Variants in SIPA1L1 observed in about 807,000 individuals in gnomAD.
SIPA1L1 encodes the protein signal-induced proliferation-associated 1-like protein 1.
Under a neutral mutation model 162.7 loss-of-function variants are expected in SIPA1L1, and 26 were observed. The ratio of observed to expected loss-of-function variants is 0.16; its 90% CI spans 0.12 to 0.22. The LOEUF (loss-of-function observed/expected upper bound fraction) is 0.22. SIPA1L1 is among the 10% of genes least tolerant of loss of function. The pLI is 1.00. For synonymous variants in SIPA1L1, 829 were observed against 837.4 expected, an observed-to-expected ratio of 0.99 and a Z score of 0.17; for missense variants, 1,874 against 2,241.0, an observed-to-expected ratio of 0.84 and a Z score of 3.31.
At chr14:71,592,022 C>T (rs2035466185) in intron 5 of SIPA1L1, among the ~76,000 whole-genome samples, 1 of 152,174 alleles carries the variant, frequency 6.6e-6, no homozygotes. Context: ...ATAAACAGCT[C>T]ACTCTTTGTC....
intron 2 of SIPA1L1, among the ~76,000 whole-genome samples, chr14:71,408,189 T>C (rs962286195): frequency 2.0e-5 from 3 of 152,230 alleles, no homozygotes; most frequent in Non-Finnish European, 2.9e-5. Context: ...TCCATCTTTT[T>C]AGTTTTTAGA....
intron 12 of SIPA1L1, 45 bp downstream of exon 12, chr14:71,672,667 G>A: frequency 1.3e-6 from 2 of 1,592,178 alleles, no homozygotes; most frequent in Admixed American, 1.7e-5. Context: ...CGAGTGCAGG[G>A]TTTGTGTACC....
chr14:71,660,155 A>G (rs896012051), intron 9 of SIPA1L1, among the ~76,000 whole-genome samples: 1 of 152,292 alleles, frequency 6.6e-6, no homozygotes, highest in Admixed American at 6.5e-5. Context: ...ATGGCATAAC[A>G]TGTAGATAAA....
At chr14:71,337,477 G>A (rs74489574) in intron 2 of SIPA1L1, among the ~76,000 whole-genome samples, 30 of 152,306 alleles carry the variant, frequency 2.0e-4, no homozygotes, top group African/African-American at 7.0e-4. Context: ...GCAGAAGGCA[G>A]ATGAGTAGCA....
At chr14:71,353,526 C>T (rs998161701) in intron 2 of SIPA1L1, among the ~76,000 whole-genome samples, 1 of 152,118 alleles carries the variant, frequency 6.6e-6, no homozygotes, top group Non-Finnish European at 1.5e-5. Context: ...GGGTTTTAAG[C>T]GCAGCATTGA....
chr14:71,547,158 A>G (rs1020025497), intron 4 of SIPA1L1, among the ~76,000 whole-genome samples: 1 of 152,016 alleles, frequency 6.6e-6, no homozygotes, highest in African/African-American at 2.4e-5. Context: ...ATTCTATGGA[A>G]TGTTATATGT....
At chr14:71,707,418 C>T (rs973946179) in intron 16 of SIPA1L1, among the ~76,000 whole-genome samples, 4 of 152,056 alleles carry the variant, frequency 2.6e-5, no homozygotes, top group African/African-American at 4.8e-5. Flanking sequence ...CAGAGTTATC[C>T]GGCCAGCACT....
intron 7 of SIPA1L1, among the ~76,000 whole-genome samples, chr14:71,639,024 C>A (rs2041438967): frequency 6.6e-6 from 1 of 152,174 alleles, no homozygotes; most frequent in African/African-American, 2.4e-5. Context: ...GAGATGTCAT[C>A]TAAAAACATA....
chr14:71,641,279 C>G (rs562067869), intron 7 of SIPA1L1, among the ~76,000 whole-genome samples: 56 of 134,146 alleles, frequency 4.2e-4, no homozygotes, highest in African/African-American at 1.5e-3. Flanking sequence ...ACAAGATAAT[C>G]TAAAAAAAAA....
chr14:71,660,431 C>T (rs139763198), intron 9 of SIPA1L1, among the ~76,000 whole-genome samples: 1 of 152,066 alleles, frequency 6.6e-6, no homozygotes, highest in Non-Finnish European at 1.5e-5. Flanking sequence ...ATTTCTCCCA[C>T]CTGGCAGCCA....
intron 5 of SIPA1L1, among the ~76,000 whole-genome samples, chr14:71,607,090 A>G (rs1383308335): frequency 1.3e-5 from 2 of 151,974 alleles, no homozygotes; most frequent in Non-Finnish European, 2.9e-5. Flanking sequence ...TTGTGAGGGT[A>G]GTAAATGATT....
intron 8 of SIPA1L1, among the ~76,000 whole-genome samples, chr14:71,651,311 A>G (rs901000782): frequency 6.6e-6 from 1 of 152,306 alleles, no homozygotes; most frequent in East Asian, 1.9e-4. Context: ...GGATTAGCAC[A>G]TCTGTATTGC....
chr14:71,416,932 A>G (rs949776576), intron 2 of SIPA1L1, among the ~76,000 whole-genome samples: 1 of 152,104 alleles, frequency 6.6e-6, no homozygotes, highest in African/African-American at 2.4e-5. Flanking sequence ...TTAAAATTAA[A>G]TAGAAACATG....
Position 71,672,555 on chromosome 14 carries a change from C to T in SIPA1L1, c.3037C>T (p.Leu1013Phe), listed in dbSNP as rs967982791. 1 of 1,614,182 alleles carries T rather than the reference C, an allele frequency of 6.2e-7. No homozygotes were observed. The highest frequency in any genetic ancestry group is 8.5e-7 in the Non-Finnish European group (1 of 1,180,018). Residue 1013 changes from leucine to phenylalanine, a missense_variant, in exon 12 of 24, where the codon CTC becomes TTC. Leu to Phe is a conservative substitution (Grantham distance 22). Transcript: ENST00000381232. ...ATLSHEQMID[L>F]LRTSVTVKVV... is the part of the protein sequence containing the mutation. ...TCTGAGCCATGAGCAGATGATCGAC[C>T]TCCTGAGAACATCTGTCACGGTGAA...
chr14:71,360,112 A>T (rs2037660807), intron 2 of SIPA1L1, among the ~76,000 whole-genome samples: 1 of 152,212 alleles, frequency 6.6e-6, no homozygotes. Context: ...ATTTCTACTA[A>T]TCTAAACTTT....
rs2033587237 is a variant in SIPA1L1, at chr14:71,579,345, C to T, written c.-302-8226C>T. On this transcript the variant is annotated intron_variant, in intron 4 of 23. Coordinates refer to ENST00000381232, the MANE Select transcript of SIPA1L1 (RefSeq NM_001386936.1). Reference sequence around the variant, plus strand: ...AGTTTTTTCAAATTGTCACAGTTCTCCAAAATATTTTTTAGTGTATTTATT... The same window carrying T: ...AGTTTTTTCAAATTGTCACAGTTCTTCAAAATATTTTTTAGTGTATTTATT... 2.0e-5 allele frequency among the ~76,000 whole-genome samples: 3 copies of T among 151,762 alleles called. 1 individual carries two copies.
intron 2 of SIPA1L1, among the ~76,000 whole-genome samples, chr14:71,395,559 G>C (rs2041117950): frequency 6.6e-6 from 1 of 152,186 alleles, no homozygotes; most frequent in Non-Finnish European, 1.5e-5. Context: ...GCTACTGGGG[G>C]CTGAGGTGCG....
intron 2 of SIPA1L1, among the ~76,000 whole-genome samples, chr14:71,415,346 C>A (rs2042683381): frequency 6.6e-6 from 1 of 152,186 alleles, no homozygotes; most frequent in Non-Finnish European, 1.5e-5. Flanking sequence ...CAGCATCATT[C>A]TTCTTTAATA....
intron 4 of SIPA1L1, among the ~76,000 whole-genome samples, chr14:71,542,870 C>T (rs1343706792): frequency 2.6e-5 from 4 of 151,570 alleles, no homozygotes; most frequent in African/African-American, 9.7e-5. Flanking sequence ...AGGCATGATC[C>T]TCTGTGCCCT....
Sources: allele counts gnomAD v4.1 joint callset (sites outside exome capture counted in the v4.1 genomes callset), GRCh38; gene constraint gnomAD v4.1.1; transcripts MANE v1.5; gene names NCBI Gene and HGNC (gene_info 2026-07-23, HGNC 2026-07-21).